NFX1: variants seen among roughly 807,000 people sequenced by gnomAD.
The protein encoded by NFX1 is nuclear transcription factor, X-box binding 1, also known as transcriptional repressor NF-X1.
A neutral mutation model predicts 137.2 loss-of-function variants in NFX1; 69 were observed. That is an observed-to-expected ratio of 0.50 (90% CI 0.41 to 0.61). The LOEUF is 0.61. NFX1 is among the 20% of genes least tolerant of loss of function. The pLI is 0.00. For synonymous variants in NFX1, 495 were observed against 474.1 expected (o/e 1.04, Z -0.57); for missense variants, 1,167 against 1,391.0 (o/e 0.84, Z 2.56).
chr9:33,307,221 G>T lies in NFX1; in HGVS notation c.1298G>T (p.Arg433Ile). Reference sequence around the variant, plus strand: ...AAGGTAAAGAATCCTGAGTGGAGCAGAAATGAAATTCCACATAGCTGTGGT... The same window carrying T: ...AAGGTAAAGAATCCTGAGTGGAGCATAAATGAAATTCCACATAGCTGTGGT... ...CGKVKNPEWS[R>I]NEIPHSCGEV... The change falls in exon 5 of 24, where the codon AGA (arginine) becomes ATA (isoleucine). Residue 433 changes from arginine (R) to isoleucine (I), a missense_variant. Physicochemically the swap from Arg to Ile is moderately conservative, Grantham distance 97. Around this residue, in one of 3 missense-constraint regions of NFX1, gnomAD observed 488 missense variants for 691.5 expected, o/e 0.71. Coordinates refer to ENST00000379540, the MANE Select transcript of NFX1 (RefSeq NM_002504.6). The T allele has an allele frequency of 6.2e-7, 1 of 1,614,164 alleles. No individual in the cohort carries two copies. Among genetic ancestry groups the T allele is most frequent in the Non-Finnish European group, 8.5e-7 (1 of 1,179,992 alleles).
intron 14 of NFX1, among the ~76,000 whole-genome samples, chr9:33,346,231 C>A (rs1030612023): frequency 1.3e-5 from 2 of 152,194 alleles, no homozygotes; most frequent in South Asian, 4.1e-4. Flanking sequence ...ACTTAACCTG[C>A]AGATGAATTC....
At chr9:33,328,214 A>G (rs1434911766) in intron 9 of NFX1, among the ~76,000 whole-genome samples, 5 of 150,386 alleles carry the variant, frequency 3.3e-5, no homozygotes, top group Non-Finnish European at 7.4e-5. Context: ...TTTGGTAGAC[A>G]CAGGGTTTCA....
At chr9:33,306,160 G>C (rs1325598215) in intron 4 of NFX1, among the ~76,000 whole-genome samples, 1 of 152,146 alleles carries the variant, frequency 6.6e-6, no homozygotes, top group Admixed American at 6.6e-5. Flanking sequence ...GAACAGGAGA[G>C]CGATGAGGTG....
intron 9 of NFX1, among the ~76,000 whole-genome samples, chr9:33,324,724 G>T (rs890713688): frequency 1.3e-5 from 2 of 151,642 alleles, no homozygotes; most frequent in African/African-American, 4.8e-5. Flanking sequence ...TCAGGAGATC[G>T]AGACCATCCT....
intron 13 of NFX1, 105 bp from the exon 14 acceptor site, chr9:33,343,964 C>T: frequency 1.2e-5 from 18 of 1,477,360 alleles, no homozygotes; most frequent in Non-Finnish European, 1.7e-5. Flanking sequence ...CATAAATTCT[C>T]CTCTAAAAAT....
At chr9:33,349,523 G>T (rs1385138682) in intron 15 of NFX1, among the ~76,000 whole-genome samples, 1 of 152,164 alleles carries the variant, frequency 6.6e-6, no homozygotes, top group Non-Finnish European at 1.5e-5. Context: ...CCTAGATGTT[G>T]GAAGTCTCTT....
Position 33,295,297 on chromosome 9 carries a change from A to G in NFX1, c.903A>G (p.Ala301=). Residue 301 remains alanine (A), a synonymous_variant, in exon 2 of 24, where the codon GCA becomes GCG. Transcript: ENST00000379540. ...CTACCTGTGACAGTGAGAACTTGGC[A>G]GTCATCAACAAGTCTTCCAGGAGGG... ...AKSTCDSENL[A]VINKSSRRVD... 1 of 1,614,196 alleles carries G rather than the reference A, an allele frequency of 6.2e-7. No homozygotes were observed. The highest frequency in any genetic ancestry group is 8.5e-7 in the Non-Finnish European group (1 of 1,180,024).
chr9:33,329,427 CTGCT>C (rs1312553219), intron 10 of NFX1, among the ~76,000 whole-genome samples: 1 of 152,146 alleles, frequency 6.6e-6, no homozygotes, highest in African/African-American at 2.4e-5. Context: ...TGTGGCCAGC[CTGCT>C]CCTAAATCAC....
chr9:33,295,256 G>A lies in NFX1; in HGVS notation c.862G>A (p.Glu288Lys). 1 of 1,614,092 alleles carries A rather than the reference G, an allele frequency of 6.2e-7. No individual in the cohort carries two copies. Residue 288 changes from glutamate (E) to lysine (K), a missense_variant, in exon 2 of 24, where the codon GAA becomes AAA. This residue lies in a region of NFX1 where 367 missense variants were observed against 386.7 expected (regional missense o/e 0.95). Coordinates refer to ENST00000379540, the MANE Select transcript of NFX1 (RefSeq NM_002504.6). ...CCCCATTCCAAAGGATGACCTCAATGAAAGACCAGCAAAATCTACCTGTGA... is the reference window on the plus strand; with the variant it reads ...CCCCATTCCAAAGGATGACCTCAATAAAAGACCAGCAAAATCTACCTGTGA... Reference protein sequence around the residue: ...MGPIPKDDLNERPAKSTCDSE... With the variant: ...MGPIPKDDLNKRPAKSTCDSE...
At chr9:33,347,770 A>G in intron 15 of NFX1, 1 of 334,400 alleles carries the variant, frequency 3.0e-6, no homozygotes, top group Non-Finnish European at 6.0e-6. Flanking sequence ...AAAAATGTGG[A>G]ACCAGCCCAA....
In NFX1 at chr9:33,354,904, C is replaced by G. The variant is rs1446911867; in HGVS notation, c.2873+12C>G. On this transcript the variant is annotated intron_variant, in intron 19 of 23. Transcript: ENST00000379540. Reference sequence around the variant, plus strand: ...TTGGAAAGGAAAAAGTAAGTAGTTGCAGCTGCTTTTTTAATCTCCTTGCCC... The same window carrying G: ...TTGGAAAGGAAAAAGTAAGTAGTTGGAGCTGCTTTTTTAATCTCCTTGCCC... 6.2e-7 allele frequency: 1 copy of G among 1,613,642 alleles called. No individual in the cohort carries two copies. The highest frequency in any genetic ancestry group is 8.5e-7 in the Non-Finnish European group (1 of 1,179,750).
intron 1 of NFX1, 30 bp from the exon 2 acceptor site, chr9:33,294,390 T>C (rs780079708): frequency 6.6e-7 from 1 of 1,522,212 alleles, no homozygotes; most frequent in Non-Finnish European, 8.8e-7. Context: ...TTTAATCTCT[T>C]TACTGGCATG....
In NFX1 at chr9:33,303,569, T is replaced by C. The variant is rs373451616; in HGVS notation, c.1270+301T>C. Among the ~76,000 whole-genome samples the C allele has an allele frequency of 1.7e-4, 26 of 152,300 alleles. 1 individual carries two copies. The East Asian group carries it at 3.7e-3, about 21-fold the overall frequency. On this transcript the variant is annotated intron_variant, in intron 4 of 23. Coordinates refer to ENST00000379540, the MANE Select transcript of NFX1 (RefSeq NM_002504.6). ...GAGATAGGTGTGGACGTGGGCTTCA[T>C]CTCACCCCCAGCAGTTACAGCTTTG...
At chr9:33,296,559 C>T (rs1360350619) in intron 2 of NFX1, among the ~76,000 whole-genome samples, 2 of 152,094 alleles carry the variant, frequency 1.3e-5, no homozygotes, top group Non-Finnish European at 2.9e-5. Context: ...GAGACCCTGT[C>T]ACTACAAAAG....
chr9:33,349,112 C>T (rs897648284), intron 15 of NFX1, among the ~76,000 whole-genome samples: 1 of 152,184 alleles, frequency 6.6e-6, no homozygotes, highest in African/African-American at 2.4e-5. Flanking sequence ...GTGTTATCTT[C>T]GTACTGATGG....
At chr9:33,311,787 G>A (rs1202020365) in intron 6 of NFX1, among the ~76,000 whole-genome samples, 2 of 152,070 alleles carry the variant, frequency 1.3e-5, no homozygotes, top group Admixed American at 6.6e-5. Context: ...TATTGACTTC[G>A]TGATCCACCC....
At chr9:33,309,087 G>A (rs1821865257) in intron 5 of NFX1, among the ~76,000 whole-genome samples, 1 of 152,188 alleles carries the variant, frequency 6.6e-6, no homozygotes, top group South Asian at 2.1e-4. Context: ...GCTGGGCGCG[G>A]TGGCTCATGC....
intron 12 of NFX1, among the ~76,000 whole-genome samples, chr9:33,340,253 C>T (rs1260526621): frequency 1.3e-5 from 2 of 152,252 alleles, no homozygotes; most frequent in Non-Finnish European, 2.9e-5. Context: ...TTTCCAACCT[C>T]AGTTATTGAT....
At chr9:33,304,308 C>G (rs191372190) in intron 4 of NFX1, among the ~76,000 whole-genome samples, 1 of 152,260 alleles carries the variant, frequency 6.6e-6, no homozygotes, top group East Asian at 1.9e-4. Context: ...ACCAATGACT[C>G]CTTTCCAGCC....
Sources: allele counts gnomAD v4.1 joint callset (sites outside exome capture counted in the v4.1 genomes callset), GRCh38; gene constraint gnomAD v4.1.1; regional missense constraint gnomAD v4.1.1; transcripts MANE v1.5; gene names NCBI Gene and HGNC (gene_info 2026-07-23, HGNC 2026-07-21).